GRHPR: variants seen among roughly 807,000 people sequenced by gnomAD.
GRHPR encodes the protein glyoxylate reductase/hydroxypyruvate reductase.
A neutral mutation model predicts 36.8 loss-of-function variants in GRHPR; 35 were observed. The ratio of observed to expected loss-of-function variants is 0.95; its 90% CI spans 0.73 to 1.26. The LOEUF (loss-of-function observed/expected upper bound fraction) is 1.26, where lower values mean the gene tolerates loss of function less well. Ranked by LOEUF, GRHPR falls within the 50% of genes most tolerant of loss-of-function variation. The pLI, the probability that GRHPR is intolerant of heterozygous loss-of-function variation, is 0.00. For synonymous variants in GRHPR, 179 were observed against 181.0 expected, an observed-to-expected ratio of 0.99 and a Z score of 0.09; for missense variants, 380 against 435.0, an observed-to-expected ratio of 0.87 and a Z score of 1.12.
chr9:37,434,029 T>TC, intron 8 of GRHPR: 7 of 272,218 alleles, frequency 2.6e-5, no homozygotes, highest in East Asian at 1.1e-4. Flanking sequence ...AAAACTGCCC[T>TC]CCCACCCCCA....
At chr9:37,426,141 A>G in intron 3 of GRHPR, 147 bp downstream of exon 3, 1 of 688,382 alleles carries the variant, frequency 1.5e-6, no homozygotes, top group Non-Finnish European at 2.7e-6. Context: ...CCACATGTGC[A>G]CAGGTCAGTT....
intron 7 of GRHPR, chr9:37,431,326 G>C (rs1049677793): frequency 1.2e-5 from 4 of 334,218 alleles, no homozygotes; most frequent in Non-Finnish European, 2.4e-5. Flanking sequence ...GGGAATGGAA[G>C]AGTGAAACAT....
intron 7 of GRHPR, chr9:37,431,370 G>C (rs906172956): frequency 1.6e-5 from 5 of 309,464 alleles, no homozygotes; most frequent in African/African-American, 1.1e-4. Flanking sequence ...CTGGCTGGCA[G>C]CAGTCACAGC....
At chr9:37,433,406 G>T (rs904375045) in intron 8 of GRHPR, among the ~76,000 whole-genome samples, 1 of 152,038 alleles carries the variant, frequency 6.6e-6, no homozygotes, top group South Asian at 2.1e-4. Context: ...GCCAATTTTT[G>T]TATTTTTAGT....
Position 37,423,062 on chromosome 9 carries a change from C to T in GRHPR, c.83+229C>T, listed in dbSNP as rs563788804. Among the ~76,000 whole-genome samples, 10 of 152,284 alleles carry T rather than the reference C, an allele frequency of 6.6e-5. No homozygotes were observed. The South Asian group carries it at 2.1e-3, about 32-fold the overall frequency. On this transcript the variant is annotated intron_variant, in intron 1 of 8. Coordinates refer to ENST00000318158, the MANE Select transcript of GRHPR (RefSeq NM_012203.2). The stretch of plus-strand genomic sequence containing the variant: ...AGGCAAGGTCCAGGCTAATTCTCCA[C>T]GCTCCCACAGGACATGTGGGGTCAG...
intron 6 of GRHPR, 72 bp downstream of exon 6, chr9:37,429,908 G>A (rs1823278904): frequency 1.1e-6 from 1 of 888,036 alleles, no homozygotes; most frequent in African/African-American, 1.6e-5. Context: ...TCTCAATGGT[G>A]GCATTTTCAG....
chr9:37,431,052 G>A, intron 7 of GRHPR: 1 of 473,882 alleles, frequency 2.1e-6, no homozygotes, highest in East Asian at 6.9e-5. Flanking sequence ...GTGATACTTT[G>A]AACCTTATGC....
At chr9:37,439,178 T>G (rs1470659784), downstream of GRHPR, 1 of 152,222 alleles carries the variant, frequency 6.6e-6, no homozygotes, top group East Asian at 1.9e-4. Flanking sequence ...GACGCACACT[T>G]GGCCTCATAC....
rs180177314 is a variant in GRHPR at position 37,429,732 on chromosome 9, G to A, written c.494G>A (p.Gly165Asp). 6.9e-5 allele frequency: 111 copies of A among 1,604,618 alleles called. 2 individuals carry two copies. The South Asian group carries it at 1.1e-3, about 16-fold the overall frequency. The part of the protein sequence containing the change: ...TVGIIGLGRI[G>D]QAIARRLKPF... ...GAGACATGGACTCTCCTTGCTCTAG[G>A]CCAGGCCATTGCTCGGCGTCTGAAA... Residue 165 changes from glycine (G) to aspartate (D), a missense_variant and splice_region_variant, in exon 6 of 9, where the codon GGC (glycine) becomes GAC (aspartate). By Grantham distance (94) the Gly-to-Asp change is moderately conservative. Coordinates refer to ENST00000318158, the MANE Select transcript of GRHPR (RefSeq NM_012203.2).
downstream of GRHPR, chr9:37,437,016 A>C (rs1823703403): frequency 2.1e-6 from 1 of 475,100 alleles, no homozygotes; most frequent in South Asian, 2.0e-5. Context: ...TAAATGGGGA[A>C]GCTAACAAGT....
At chr9:37,433,577 C>T (rs1466599266) in intron 8 of GRHPR, among the ~76,000 whole-genome samples, 1 of 152,098 alleles carries the variant, frequency 6.6e-6, no homozygotes, top group African/African-American at 2.4e-5. Context: ...AGTGACTGAT[C>T]AAACACAGGT....
chr9:37,423,516 G>C (rs1421706011), intron 1 of GRHPR, among the ~76,000 whole-genome samples: 1 of 151,996 alleles, frequency 6.6e-6, no homozygotes, highest in Admixed American at 6.6e-5. Context: ...CTCTCATCCA[G>C]GCTGGAGTGC....
Position 37,429,812 on chromosome 9 carries a change from G to A in GRHPR, c.574G>A (p.Ala192Thr). 6.2e-7 allele frequency: 1 copy of A among 1,608,004 alleles called. No individual in the cohort carries two copies. Among genetic ancestry groups the A allele is most frequent in the Non-Finnish European group, 8.5e-7 (1 of 1,174,342 alleles). Residue 192 changes from alanine (A) to threonine (T), a missense_variant, in exon 6 of 9, where the codon GCA becomes ACA. Transcript: ENST00000318158. ...AGGGCGCCAGCCCAGGCCTGAGGAAGCAGCAGAATTCCAGGCAGAGTTTGG... is the reference window on the plus strand; with the variant it reads ...AGGGCGCCAGCCCAGGCCTGAGGAAACAGCAGAATTCCAGGCAGAGTTTGG... Reference protein sequence around the residue: ...YTGRQPRPEEAAEFQAEFVST... With the variant: ...YTGRQPRPEETAEFQAEFVST...
intron 2 of GRHPR, among the ~76,000 whole-genome samples, chr9:37,425,406 CCT>C (rs1014916431): frequency 9.8e-5 from 15 of 152,380 alleles, no homozygotes; most frequent in Non-Finnish European, 2.1e-4. Context: ...TAAACCTCCC[CCT>C]GTGAGGCTGT....
At chr9:37,439,151 C>T (rs968669023), downstream of GRHPR, 15 of 152,206 alleles carry the variant, frequency 9.9e-5, no homozygotes, top group Admixed American at 7.9e-4. Flanking sequence ...GACGCATTAA[C>T]CTGTGCTGTT....
At chr9:37,427,929 C>G (rs185433634) in intron 4 of GRHPR, 2 of 163,238 alleles carry the variant, frequency 1.2e-5, no homozygotes, top group East Asian at 3.5e-4. Context: ...CAAACGCAGG[C>G]TCTCACAGTG....
rs376446449 is a variant in GRHPR, at chr9:37,432,030, G to A, written c.757G>A (p.Asp253Asn). The change falls in exon 8 of 9, where the codon GAC becomes AAC. Residue 253 changes from aspartate (D) to asparagine (N), a missense_variant. Transcript: ENST00000318158. The stretch of plus-strand genomic sequence containing the variant: ...CAGGGGCGACGTCGTAAACCAGGAC[G>A]ACCTGTACCAGGCCTTGGCCAGTGG... ...ISRGDVVNQD[D>N]LYQALASGKI... is the part of the protein sequence containing the mutation. 8.7e-6 allele frequency: 14 copies of A among 1,614,000 alleles called. No homozygotes were observed. Among genetic ancestry groups the A allele is most frequent in the Middle Eastern group, 1.6e-4 (1 of 6,084 alleles).
chr9:37,423,503 T>C (rs1588748323), intron 1 of GRHPR, among the ~76,000 whole-genome samples: 1 of 151,140 alleles, frequency 6.6e-6, no homozygotes, highest in Middle Eastern at 3.4e-3. Flanking sequence ...AGACAGGGTC[T>C]CACTCTCATC....
chr9:37,433,514 A>AATCCCAAT (rs1175933793), intron 8 of GRHPR, among the ~76,000 whole-genome samples: 2 of 152,092 alleles, frequency 1.3e-5, no homozygotes, highest in Non-Finnish European at 2.9e-5. Flanking sequence ...GATTACAGGC[A>AATCCCAAT]TGAGTGTCCG....
Sources: allele counts gnomAD v4.1 joint callset (sites outside exome capture counted in the v4.1 genomes callset), GRCh38; gene constraint gnomAD v4.1.1; transcripts MANE v1.5; gene names NCBI Gene and HGNC (gene_info 2026-07-23, HGNC 2026-07-21).